RPS6KC1: variants seen among roughly 807,000 people sequenced by gnomAD.
RPS6KC1 encodes the protein ribosomal protein S6 kinase C1, also known as inactive ribosomal protein S6 kinase delta-1.
A neutral mutation model predicts 103.8 loss-of-function variants in RPS6KC1; 54 were observed. The ratio of observed to expected loss-of-function variants is 0.52; its 90% CI spans 0.42 to 0.65. The LOEUF (loss-of-function observed/expected upper bound fraction) is 0.65, where lower values mean the gene tolerates loss of function less well. Among genes scored for constraint, RPS6KC1 ranks in the 30% least tolerant of loss-of-function variants. The pLI, the probability that RPS6KC1 is intolerant of heterozygous loss-of-function variation, is 0.00. For missense variants in RPS6KC1, 1,151 were observed against 1,253.8 expected, an observed-to-expected ratio of 0.92 and a Z score of 1.24; for synonymous variants, 439 against 438.7, an observed-to-expected ratio of 1.00 and a Z score of -0.01.
chr1:213,850,827 T>C, the RPS6KC1 span, among the ~76,000 whole-genome samples: 1 of 151,360 alleles, frequency 6.6e-6, no homozygotes, highest in East Asian at 1.9e-4. Context: ...ATATAAAAAC[T>C]CTGTGGATTC....
chr1:213,460,416 T>C, the RPS6KC1 span, among the ~76,000 whole-genome samples: 2 of 151,142 alleles, frequency 1.3e-5, no homozygotes, highest in Non-Finnish European at 3.0e-5. Context: ...TTTTTTTTTT[T>C]TTTTTTTGCT....
intron 5 of RPS6KC1, among the ~76,000 whole-genome samples, chr1:213,123,781 C>CAA (rs1194019409): frequency 6.6e-6 from 1 of 152,066 alleles, no homozygotes; most frequent in Admixed American, 6.6e-5. Context: ...TTGACTATGG[C>CAA]AATATTTGAA....
the RPS6KC1 span, among the ~76,000 whole-genome samples, chr1:213,664,687 C>T: frequency 1.3e-5 from 2 of 152,174 alleles, no homozygotes. Context: ...ACTATGGAAA[C>T]AATGCCCCTG....
intron 1 of RPS6KC1, among the ~76,000 whole-genome samples, chr1:213,066,764 A>G (rs747737544): frequency 2.0e-5 from 3 of 152,244 alleles, no homozygotes; most frequent in Non-Finnish European, 2.9e-5. Context: ...ACAGAGGGTT[A>G]AGGAAGCAAT....
the RPS6KC1 span, among the ~76,000 whole-genome samples, chr1:213,702,591 G>C: frequency 6.6e-6 from 1 of 151,860 alleles, no homozygotes. Flanking sequence ...ATATCTAAGT[G>C]CTGCAGTGTT....
At chr1:213,311,283 T>C in the RPS6KC1 span, among the ~76,000 whole-genome samples, 402 of 151,878 alleles carry the variant, frequency 2.6e-3, 2 homozygotes, top group Middle Eastern at 0.02. Context: ...GGACTACAGG[T>C]GCCCGCCACC....
chr1:213,323,956 T>G, the RPS6KC1 span, among the ~76,000 whole-genome samples: 1 of 152,236 alleles, frequency 6.6e-6, no homozygotes, highest in African/African-American at 2.4e-5. Context: ...CCCACCATTA[T>G]AGTATCATAC....
chr1:213,854,733 A>G, the RPS6KC1 span, among the ~76,000 whole-genome samples: 1 of 152,144 alleles, frequency 6.6e-6, no homozygotes, highest in African/African-American at 2.4e-5. Context: ...TGGGACTCAG[A>G]TGGACCACTT....
At chr1:213,753,179 A>C in the RPS6KC1 span, among the ~76,000 whole-genome samples, 1 of 152,152 alleles carries the variant, frequency 6.6e-6, no homozygotes, top group East Asian at 1.9e-4. Flanking sequence ...GGATGAAAAA[A>C]TAGGAGTAAG....
At chr1:213,484,880 T>C in the RPS6KC1 span, among the ~76,000 whole-genome samples, 10 of 152,196 alleles carry the variant, frequency 6.6e-5, no homozygotes, top group Admixed American at 6.5e-4. Flanking sequence ...TCTTTTGTTT[T>C]GAGACAGGAT....
chr1:213,841,706 A>G, the RPS6KC1 span, among the ~76,000 whole-genome samples: 1 of 152,180 alleles, frequency 6.6e-6, no homozygotes, highest in African/African-American at 2.4e-5. Context: ...TCCAATTTTT[A>G]AGGAAACAGT....
intron 10 of RPS6KC1, 62 bp from the exon 11 acceptor site, chr1:213,240,640 T>C: frequency 1.4e-5 from 20 of 1,403,434 alleles, no homozygotes; most frequent in Non-Finnish European, 1.8e-5. Flanking sequence ...TTCTAATGGC[T>C]TAAATAACTG....
intron 12 of RPS6KC1, among the ~76,000 whole-genome samples, chr1:213,245,018 A>AATG (rs1212343661): frequency 6.6e-6 from 1 of 152,218 alleles, no homozygotes; most frequent in African/African-American, 2.4e-5. Flanking sequence ...CAAAACGAGT[A>AATG]ATGGCCTTAA....
the RPS6KC1 span, among the ~76,000 whole-genome samples, chr1:213,629,177 G>T: frequency 6.6e-6 from 1 of 152,164 alleles, no homozygotes; most frequent in Non-Finnish European, 1.5e-5. Flanking sequence ...AATGTTGACA[G>T]TGGGGTGTTA....
chr1:213,671,610 G>T, the RPS6KC1 span, among the ~76,000 whole-genome samples: 1 of 152,086 alleles, frequency 6.6e-6, no homozygotes, highest in East Asian at 1.9e-4. Flanking sequence ...ATGGCGAAAT[G>T]CCATCTCTAC....
the RPS6KC1 span, among the ~76,000 whole-genome samples, chr1:213,511,181 CT>C: frequency 0.35 from 52,094 of 147,198 alleles, 13,693 homozygotes; most frequent in African/African-American, 0.74. Flanking sequence ...TGAGGAATGT[CT>C]TTTTTTTTTT....
the RPS6KC1 span, among the ~76,000 whole-genome samples, chr1:213,689,521 G>A: frequency 7.9e-5 from 12 of 152,174 alleles, no homozygotes; most frequent in Non-Finnish European, 1.8e-4. Context: ...GGTATTTCAA[G>A]GTCTGTGTTC....
chr1:213,224,363 GCTTTTT>G (rs2093910388), intron 8 of RPS6KC1, among the ~76,000 whole-genome samples: 1 of 152,140 alleles, frequency 6.6e-6, no homozygotes, highest in Non-Finnish European at 1.5e-5. Context: ...TAAGTTGCCT[GCTTTTT>G]CTTTTTTTTC....
chr1:213,201,175 T>C (rs556839723), intron 8 of RPS6KC1, among the ~76,000 whole-genome samples: 4 of 152,338 alleles, frequency 2.6e-5, no homozygotes, highest in African/African-American at 9.6e-5. Context: ...ATAGCCACTT[T>C]ATTCATAATT....
Sources: allele counts gnomAD v4.1 joint callset (sites outside exome capture counted in the v4.1 genomes callset), GRCh38; gene constraint gnomAD v4.1.1; transcripts MANE v1.5; gene names NCBI Gene and HGNC (gene_info 2026-07-23, HGNC 2026-07-21).